The following IPO9 variants were observed in gnomAD, a reference collection of about 807,000 sequenced individuals.
IPO9 encodes importin 9.
Under a neutral mutation model 128.6 loss-of-function variants are expected in IPO9, and 28 were observed. The ratio of observed to expected loss-of-function variants is 0.22; its 90% CI spans 0.16 to 0.30. The LOEUF (loss-of-function observed/expected upper bound fraction) is 0.30, where lower values mean the gene tolerates loss of function less well. Among genes scored for constraint, IPO9 ranks in the 10% least tolerant of loss-of-function variants. The pLI is 1.00. For synonymous variants in IPO9, 455 were observed against 475.8 expected (o/e 0.96, Z 0.57); for missense variants, 935 against 1,293.9 (o/e 0.72, Z 4.26).
intron 10 of IPO9, 110 bp downstream of exon 10, chr1:201,856,044 GAAT>G: frequency 2.6e-6 from 2 of 774,550 alleles, no homozygotes; most frequent in Non-Finnish European, 3.8e-6. Flanking sequence ...GACACAAAAA[GAAT>G]AATTTCATGT....
chr1:201,873,409 C>T (rs1680697993), intron 20 of IPO9, among the ~76,000 whole-genome samples: 1 of 125,810 alleles, frequency 7.9e-6, no homozygotes, highest in African/African-American at 3.1e-5. Context: ...CGTGCCACTG[C>T]ATTCCAGCCT....
chr1:201,848,983 A>G lies in IPO9; in HGVS notation c.514+389A>G, dbSNP rs1680169326. Among the ~76,000 whole-genome samples, 4 of 152,326 alleles carry G rather than the reference A, an allele frequency of 2.6e-5. No homozygotes were observed. The South Asian group carries it at 8.3e-4, about 32-fold the overall frequency. ...TTTTGGTATAGTTTAAATGTTAGCT[A>G]ATCTATCTTTATTGACTTGTTCAGT... On this transcript the variant is annotated intron_variant, in intron 4 of 23. Transcript: ENST00000361565.
chr1:201,873,096 G>A (rs1680688558), intron 20 of IPO9, 135 bp downstream of exon 20: 7 of 1,041,142 alleles, frequency 6.7e-6, no homozygotes, highest in Non-Finnish European at 9.3e-6. Flanking sequence ...AGAAGAAGCA[G>A]GAAACTTAGG....
chr1:201,844,798 A>G (rs1262793076), intron 1 of IPO9, among the ~76,000 whole-genome samples: 1 of 152,210 alleles, frequency 6.6e-6, no homozygotes, highest in Non-Finnish European at 1.5e-5. Flanking sequence ...TATTGTATAA[A>G]TGCCCTTTGG....
At chr1:201,843,585 C>T (rs1482487109) in intron 1 of IPO9, among the ~76,000 whole-genome samples, 1 of 152,184 alleles carries the variant, frequency 6.6e-6, no homozygotes, top group Non-Finnish European at 1.5e-5. Context: ...AATCCCAGCA[C>T]TTTGGGAGGC....
chr1:201,849,944 T>C (rs1344809631), intron 4 of IPO9, among the ~76,000 whole-genome samples: 1 of 152,194 alleles, frequency 6.6e-6, no homozygotes, highest in African/African-American at 2.4e-5. Flanking sequence ...GATTCTTTAT[T>C]CACCACTTCA....
intron 13 of IPO9, among the ~76,000 whole-genome samples, chr1:201,860,319 T>A (rs1680420396): frequency 6.6e-6 from 1 of 152,200 alleles, no homozygotes. Context: ...AATCACAAAT[T>A]AAAATGGTTG....
In IPO9 at chr1:201,871,177, T is replaced by C; in HGVS notation, c.2426T>C (p.Phe809Ser). Residue 809 changes from phenylalanine to serine, a missense_variant, in exon 19 of 24, where the codon TTC becomes TCC. Transcript: ENST00000361565. ...TTCTCCTAGTCCCTGATCATGGTGTTCGCTCATCTGGTGCACACTCAGCTA... is the reference window on the plus strand; with the variant it reads ...TTCTCCTAGTCCCTGATCATGGTGTCCGCTCATCTGGTGCACACTCAGCTA... ...LSVMQSLIMV[F>S]AHLVHTQLEP... The C allele has an allele frequency of 6.2e-7, 1 of 1,613,400 alleles. No homozygotes were observed. Among genetic ancestry groups the C allele is most frequent in the Non-Finnish European group, 8.5e-7 (1 of 1,179,760 alleles).
At chr1:201,833,790 T>G (rs1483138453) in intron 1 of IPO9, among the ~76,000 whole-genome samples, 1 of 152,108 alleles carries the variant, frequency 6.6e-6, no homozygotes, top group Non-Finnish European at 1.5e-5. Context: ...TTTTTCTTTC[T>G]TTCTTTTTTT....
chr1:201,847,965 G>A (rs1469448382), intron 3 of IPO9, among the ~76,000 whole-genome samples: 3 of 152,160 alleles, frequency 2.0e-5, no homozygotes, highest in Non-Finnish European at 4.4e-5. Context: ...TTTGTACTTA[G>A]TGCAGTACTG....
At position 201,863,079 on chromosome 1, in the gene IPO9, G is replaced by A. The variant is rs897992380; in HGVS notation, c.1469-369G>A. 1.4e-4 allele frequency among the ~76,000 whole-genome samples: 21 copies of A among 152,064 alleles called. 2 individuals are homozygous for A. In the South Asian group the frequency reaches 1.9e-3, roughly 14 times the overall value. On this transcript the variant is annotated intron_variant, in intron 13 of 23. Coordinates refer to ENST00000361565, the MANE Select transcript of IPO9 (RefSeq NM_018085.5). ...AATTGAGGAATGGAGGGCCGGATGC[G>A]GTGGCTCATGCCTGTAATCCCAGCA... is the stretch of plus-strand genomic sequence containing the variant.
intron 13 of IPO9, among the ~76,000 whole-genome samples, chr1:201,863,204 T>G (rs1390063215): frequency 6.6e-6 from 1 of 151,892 alleles, no homozygotes; most frequent in Non-Finnish European, 1.5e-5. Context: ...TACAAAAAAT[T>G]AGCCGGGCAT....
intron 14 of IPO9, among the ~76,000 whole-genome samples, chr1:201,865,357 T>C (rs745600139): frequency 2.6e-5 from 4 of 152,048 alleles, no homozygotes; most frequent in African/African-American, 4.8e-5. Context: ...TACAGGCATG[T>C]GCCACCACAC....
intron 9 of IPO9, among the ~76,000 whole-genome samples, chr1:201,855,575 CT>C (rs1316723631): frequency 6.6e-6 from 1 of 152,170 alleles, no homozygotes; most frequent in Non-Finnish European, 1.5e-5. Flanking sequence ...GTTTCTGATT[CT>C]TTTACTTGAA....
At chr1:201,861,881 T>G (rs1342919809) in intron 13 of IPO9, among the ~76,000 whole-genome samples, 1 of 152,214 alleles carries the variant, frequency 6.6e-6, no homozygotes, top group African/African-American at 2.4e-5. Context: ...TTAGAATTGC[T>G]TCAGCCTAAG....
intron 14 of IPO9, among the ~76,000 whole-genome samples, chr1:201,865,477 G>C (rs1680536196): frequency 6.6e-6 from 1 of 151,990 alleles, no homozygotes; most frequent in African/African-American, 2.4e-5. Context: ...CAAAGTGCTG[G>C]GATTACAGAC....
intron 1 of IPO9, among the ~76,000 whole-genome samples, chr1:201,846,971 A>G (rs548555248): frequency 6.6e-6 from 1 of 152,202 alleles, no homozygotes; most frequent in Admixed American, 6.5e-5. Context: ...GCCAGGCTCC[A>G]TGTTTCAATT....
At chr1:201,830,515 C>T (rs1372596274) in intron 1 of IPO9, among the ~76,000 whole-genome samples, 3 of 152,178 alleles carry the variant, frequency 2.0e-5, no homozygotes, top group African/African-American at 7.2e-5. Flanking sequence ...GGCTAAGGAC[C>T]ATTTTGAAGG....
rs370561617 is a variant in IPO9 at position 201,836,589 on chromosome 1, A to G, written c.163+7217A>G. ...TTTTATAGCACGGAGTTTACCATCA[A>G]CATCATACTCCTTGGAAACAATTAT... On this transcript the variant is annotated intron_variant, in intron 1 of 23. Transcript: ENST00000361565. Among the ~76,000 whole-genome samples, 210 of 151,994 alleles carry G rather than the reference A, an allele frequency of 1.4e-3. 1 individual carries two copies. The highest frequency in any genetic ancestry group is 4.7e-3 in the African/African-American group (196 of 41,418).
Sources: gnomAD v4.1 joint callset for allele counts (sites outside exome capture counted in the v4.1 genomes callset) on GRCh38, gnomAD v4.1.1 for gene constraint, MANE v1.5 for transcripts, NCBI Gene and HGNC (gene_info 2026-07-23, HGNC 2026-07-21) for gene names.